The following ZC3H11A variants were observed in gnomAD, a reference collection of about 807,000 sequenced individuals.
ZC3H11A encodes zinc finger CCCH-type containing 11A.
Under a neutral mutation model 90.8 loss-of-function variants are expected in ZC3H11A, and 22 were observed. The ratio of observed to expected loss-of-function variants is 0.24; its 90% CI spans 0.17 to 0.35. The LOEUF (loss-of-function observed/expected upper bound fraction) is 0.35, where lower values mean the gene tolerates loss of function less well. ZC3H11A is among the 10% of genes least tolerant of loss of function. The pLI is 1.00. For missense variants in ZC3H11A, 701 were observed against 964.9 expected, an observed-to-expected ratio of 0.73 and a Z score of 3.62; for synonymous variants, 294 against 339.8, an observed-to-expected ratio of 0.87 and a Z score of 1.48.
intron 9 of ZC3H11A, among the ~76,000 whole-genome samples, chr1:203,833,314 G>A (rs538978351): frequency 3.4e-5 from 5 of 147,894 alleles, no homozygotes; most frequent in East Asian, 4.0e-4. Context: ...GCAGTGAGCC[G>A]AGATCGGGCC....
intron 4 of ZC3H11A, among the ~76,000 whole-genome samples, chr1:203,821,866 T>C (rs1678837049): frequency 6.6e-6 from 1 of 151,958 alleles, no homozygotes; most frequent in African/African-American, 2.4e-5. Context: ...CACACCATTC[T>C]CCTGTTTCAG....
chr1:203,833,895 T>A, intron 10 of ZC3H11A, 42 bp downstream of exon 10: 1 of 1,579,776 alleles, frequency 6.3e-7, no homozygotes, highest in Non-Finnish European at 8.6e-7. Context: ...TCTACTTGTT[T>A]GTGCATTAAC....
chr1:203,846,484 G>A (rs534224499), intron 12 of ZC3H11A, among the ~76,000 whole-genome samples: 4 of 152,196 alleles, frequency 2.6e-5, no homozygotes, highest in South Asian at 2.1e-4. Flanking sequence ...AAGTGTAGGT[G>A]TTCCTGCTGT....
intron 12 of ZC3H11A, among the ~76,000 whole-genome samples, chr1:203,845,389 A>G (rs1687613107): frequency 6.6e-6 from 1 of 152,212 alleles, no homozygotes; most frequent in African/African-American, 2.4e-5. Flanking sequence ...TTTATTAAAG[A>G]ACTTGAAGAA....
intron 4 of ZC3H11A, among the ~76,000 whole-genome samples, chr1:203,825,891 T>C (rs1423362145): frequency 6.6e-6 from 1 of 152,198 alleles, no homozygotes; most frequent in Non-Finnish European, 1.5e-5. Context: ...TTTTCCAAGT[T>C]GTCTTCGTTG....
intron 4 of ZC3H11A, among the ~76,000 whole-genome samples, chr1:203,822,976 G>A (rs1468184649): frequency 6.6e-6 from 1 of 152,120 alleles, no homozygotes; most frequent in African/African-American, 2.4e-5. Flanking sequence ...TGTATTTCTT[G>A]TCTCTTAACT....
intron 1 of ZC3H11A, chr1:203,799,209 T>G: frequency 9.9e-7 from 1 of 1,011,988 alleles, no homozygotes; most frequent in African/African-American, 1.6e-5. Context: ...CTTCATTGTT[T>G]CTGACAATTC....
At chr1:203,843,603 G>A (rs1572328944) in intron 12 of ZC3H11A, among the ~76,000 whole-genome samples, 1 of 152,152 alleles carries the variant, frequency 6.6e-6, no homozygotes. Context: ...TAGAATGAAA[G>A]CAGCCATATG....
chr1:203,799,700 C>T lies in ZC3H11A; in HGVS notation c.-1587-1875C>T, dbSNP rs552494821. ...ATCTACTCCTTTCCCTGCAGAAACT[C>T]AGAGAAGATTTTCAAGTCAGAGGTA... On this transcript the variant is annotated intron_variant, in intron 1 of 17. Transcript: ENST00000367210. The T allele has an allele frequency of 1.3e-5, 9 of 716,346 alleles. No individual in the cohort carries two copies. In the East Asian group the frequency reaches 2.4e-4, roughly 19 times the overall value. The allele number at this position is 716,346 out of a possible 1,614,324, so 44.4% of individuals were successfully genotyped here.
At chr1:203,841,592 T>C (rs1686225792) in intron 12 of ZC3H11A, among the ~76,000 whole-genome samples, 2 of 152,264 alleles carry the variant, frequency 1.3e-5, no homozygotes, top group African/African-American at 4.8e-5. Flanking sequence ...TCTCTCTTTC[T>C]TTTCCCCACA....
Position 203,847,405 on chromosome 1 carries a change from A to G in ZC3H11A, c.1264A>G (p.Arg422Gly). The G allele has an allele frequency of 1.2e-6, 2 of 1,614,006 alleles. No homozygotes were observed. Among genetic ancestry groups the G allele is most frequent in the South Asian group, 2.2e-5 (2 of 91,078 alleles). The change falls in exon 13 of 18, where the codon AGA becomes GGA. Residue 422 changes from arginine (R) to glycine (G), a missense_variant. By Grantham distance (125) the Arg-to-Gly change is moderately radical. This residue lies in a region of ZC3H11A where 530 missense variants were observed against 696.2 expected (regional missense o/e 0.76). Coordinates refer to ENST00000367210, the MANE Select transcript of ZC3H11A (RefSeq NM_001376342.1). ...EKKHRQQEAE[R>G]QKSKKDTTCI... ...AAAACATCGGCAGCAGGAAGCAGAGAGACAAAAAAGCAAAAAGGATACAAC... is the reference window on the plus strand; with the variant it reads ...AAAACATCGGCAGCAGGAAGCAGAGGGACAAAAAAGCAAAAAGGATACAAC...
chr1:203,819,511 C>G (rs990979999), intron 4 of ZC3H11A, among the ~76,000 whole-genome samples: 1 of 148,512 alleles, frequency 6.7e-6, no homozygotes, highest in Non-Finnish European at 1.5e-5. Flanking sequence ...CGTGAGCCAC[C>G]GTGCCCAGCT....
chr1:203,850,494 G>A (rs534070691), intron 15 of ZC3H11A, 21 bp from the exon 16 acceptor site: 1 of 1,613,880 alleles, frequency 6.2e-7, no homozygotes, highest in Non-Finnish European at 8.5e-7. Flanking sequence ...CTGCTTATCA[G>A]ATATTTTCTG....
intron 11 of ZC3H11A, among the ~76,000 whole-genome samples, chr1:203,839,580 T>G (rs1685450577): frequency 6.6e-6 from 1 of 152,202 alleles, no homozygotes; most frequent in Non-Finnish European, 1.5e-5. Context: ...TTTCTTGCAT[T>G]CTCAGAGCAA....
At chr1:203,825,804 A>AT (rs200102832) in intron 4 of ZC3H11A, among the ~76,000 whole-genome samples, 3,274 of 150,066 alleles carry the variant, frequency 0.022, 100 homozygotes, top group African/African-American at 0.059. Flanking sequence ...GTCACTTGTG[A>AT]TTTTTTTTTT....
chr1:203,822,001 C>T (rs1043706309), intron 4 of ZC3H11A, among the ~76,000 whole-genome samples: 1 of 152,112 alleles, frequency 6.6e-6, no homozygotes, highest in Non-Finnish European at 1.5e-5. Flanking sequence ...TCGTGATCCG[C>T]CCGCCTTGGC....
At chr1:203,815,457 G>A (rs542186966) in intron 2 of ZC3H11A, among the ~76,000 whole-genome samples, 3 of 148,540 alleles carry the variant, frequency 2.0e-5, no homozygotes, top group East Asian at 4.0e-4. Flanking sequence ...GGACTCAAGC[G>A]ATCTGCCCAC....
intron 2 of ZC3H11A, chr1:203,805,780 G>A (rs1025966041): frequency 1.6e-5 from 11 of 703,764 alleles, no homozygotes; most frequent in Middle Eastern, 4.1e-4. Context: ...ATCCAACTCT[G>A]CTTCTAGGTT....
At chr1:203,804,492 A>G (rs1671581928) in intron 2 of ZC3H11A, among the ~76,000 whole-genome samples, 1 of 151,624 alleles carries the variant, frequency 6.6e-6, no homozygotes, top group East Asian at 1.9e-4. Context: ...CTCTTCCTGT[A>G]TATCTTTTTA....
Sources: allele counts gnomAD v4.1 joint callset (sites outside exome capture counted in the v4.1 genomes callset), GRCh38; gene constraint gnomAD v4.1.1; regional missense constraint gnomAD v4.1.1; transcripts MANE v1.5; gene names NCBI Gene and HGNC (gene_info 2026-07-23, HGNC 2026-07-21).